The following RBM27 variants were observed in gnomAD, a reference collection of about 807,000 sequenced individuals.
The protein encoded by RBM27 is RNA binding motif protein 27.
Under a neutral mutation model 135.3 loss-of-function variants are expected in RBM27, and 22 were observed. The ratio of observed to expected loss-of-function variants is 0.16; its 90% CI spans 0.12 to 0.23. RBM27 has a LOEUF of 0.23. Among genes scored for constraint, RBM27 ranks in the 10% least tolerant of loss-of-function variants. The pLI is 1.00. For synonymous variants in RBM27, 481 were observed against 442.4 expected, an observed-to-expected ratio of 1.09 and a Z score of -1.10; for missense variants, 1,009 against 1,281.0, an observed-to-expected ratio of 0.79 and a Z score of 3.24.
At position 146,239,571 on chromosome 5, in the gene RBM27, G is replaced by A. The variant is rs567431603; in HGVS notation, c.1279+2139G>A. 1.6e-3 allele frequency among the ~76,000 whole-genome samples: 233 copies of A among 144,166 alleles called. 1 individual carries two copies. Among genetic ancestry groups the A allele is most frequent in the Non-Finnish European group, 2.6e-3 (172 of 67,026 alleles). The allele number at this position is 144,166 out of a possible 152,430, so 94.6% of individuals were successfully genotyped here. ...CAACTCCCTGCAACCTTTGCCTCCC[G>A]GGTTCAAGCAATTCTTGTGCCTCAG... On this transcript the variant is annotated intron_variant, in intron 8 of 20. Transcript: ENST00000265271.
chr5:146,217,975 C>G (rs1378612786), intron 1 of RBM27, among the ~76,000 whole-genome samples: 2 of 152,058 alleles, frequency 1.3e-5, no homozygotes, highest in African/African-American at 4.8e-5. Context: ...CCAGGCTGGT[C>G]TTGAACTCCT....
chr5:146,230,484 G>A (rs150257788), intron 5 of RBM27, among the ~76,000 whole-genome samples, 173 bp from the exon 6 acceptor site: 1 of 152,290 alleles, frequency 6.6e-6, no homozygotes, highest in East Asian at 1.9e-4. Flanking sequence ...TATGTCACTT[G>A]TTGATGTCCC....
intron 1 of RBM27, among the ~76,000 whole-genome samples, chr5:146,215,777 G>C (rs550533467): frequency 6.6e-6 from 1 of 150,546 alleles, no homozygotes; most frequent in Non-Finnish European, 1.5e-5. Flanking sequence ...TTTTGAGACT[G>C]TCTCTCTCTG....
intron 3 of RBM27, among the ~76,000 whole-genome samples, chr5:146,225,328 G>C (rs1388389190): frequency 6.6e-6 from 1 of 152,032 alleles, no homozygotes; most frequent in Non-Finnish European, 1.5e-5. Context: ...TAAGGATTAG[G>C]TATCATTTAG....
At chr5:146,215,580 A>G (rs1356013439) in intron 1 of RBM27, among the ~76,000 whole-genome samples, 10 of 152,064 alleles carry the variant, frequency 6.6e-5, no homozygotes, top group Non-Finnish European at 1.0e-4. Flanking sequence ...CAAGAACTAA[A>G]CTTTTTAAGT....
chr5:146,285,284 A>T (rs1464308915), intron 20 of RBM27, among the ~76,000 whole-genome samples: 2 of 152,132 alleles, frequency 1.3e-5, no homozygotes, highest in East Asian at 3.8e-4. Context: ...GTGAACACTT[A>T]GGCTATATTG....
In RBM27 at chr5:146,255,236, ATC is replaced by A. The variant is rs147058675; in HGVS notation, c.1594+147_1594+148del. Reference sequence around the variant, plus strand: ...TCTCTTTGGAGGGTGCTATGTATTAATCTCAGATTTTTTAAATAACTTTATCT... The same window carrying A: ...TCTCTTTGGAGGGTGCTATGTATTAATCAGATTTTTTAAATAACTTTATCT... On this transcript the variant is annotated intron_variant, in intron 10 of 20. Coordinates refer to ENST00000265271, the MANE Select transcript of RBM27 (RefSeq NM_018989.2). 4,061 of 582,742 alleles carry A rather than the reference ATC, an allele frequency of 7.0e-3. 18 individuals are homozygous for A. The highest frequency in any genetic ancestry group is 0.012 in the Middle Eastern group (38 of 3,106). 36.1% of individuals were successfully genotyped at this position (582,742 alleles called of 1,614,324 possible).
intron 1 of RBM27, among the ~76,000 whole-genome samples, chr5:146,217,464 GTTTTTTTT>G (rs545963169): frequency 9.9e-5 from 7 of 70,768 alleles, no homozygotes; most frequent in African/African-American, 3.6e-4. Flanking sequence ...GCTGAAGCCT[GTTTTTTTT>G]TTTTTTTTTT....
At chr5:146,276,781 TTGG>T (rs1310603120) in intron 19 of RBM27, among the ~76,000 whole-genome samples, 1 of 151,576 alleles carries the variant, frequency 6.6e-6, no homozygotes, top group African/African-American at 2.4e-5. Context: ...TAGGCCTGGC[TTGG>T]TGGCACCTGC....
rs1002704424 is a variant in RBM27, at chr5:146,289,189, A to C, written c.*3159A>C. The C allele has an allele frequency of 3.9e-5, 6 of 152,140 alleles. No homozygotes were observed. The highest frequency in any genetic ancestry group is 1.4e-4 in the African/African-American group (6 of 41,468). The allele number at this position is 152,140 out of a possible 1,614,324, so 9.4% of individuals were successfully genotyped here. ...AAATTTAAAAGAATTTGGAAAATTTATGAACCATTCCAAAAATTATAACAA... is the reference window on the plus strand; with the variant it reads ...AAATTTAAAAGAATTTGGAAAATTTCTGAACCATTCCAAAAATTATAACAA... On this transcript the variant is annotated 3_prime_UTR_variant, in exon 21 of 21. Coordinates refer to ENST00000265271, the MANE Select transcript of RBM27 (RefSeq NM_018989.2).
intron 19 of RBM27, among the ~76,000 whole-genome samples, chr5:146,279,691 G>A (rs1013878319): frequency 3.3e-5 from 5 of 150,460 alleles, no homozygotes; most frequent in Middle Eastern, 6.9e-3. Context: ...GCCTGTAGTC[G>A]CAGCTACTCG....
chr5:146,277,723 G>A (rs1265301565), intron 19 of RBM27, among the ~76,000 whole-genome samples: 7 of 149,646 alleles, frequency 4.7e-5, no homozygotes, highest in South Asian at 2.1e-4. Flanking sequence ...TAGTAGAGGC[G>A]GGGTTTCACC....
chr5:146,229,023 A>G lies in RBM27; in HGVS notation c.381A>G (p.Glu127=). The change falls in exon 4 of 21, where the codon GAA becomes GAG. Residue 127 remains glutamate (E), a synonymous_variant. Coordinates refer to ENST00000265271, the MANE Select transcript of RBM27 (RefSeq NM_018989.2). The stretch of plus-strand genomic sequence containing the variant: ...CTAGTCCCCAGAAGACTCGTTCAGA[A>G]TCTAGTGAACGAAGGTTTGTGTTTA... The part of the protein sequence containing the change: ...KYPSPQKTRS[E]SSERRTREKK... 2 of 1,613,532 alleles carry G rather than the reference A, an allele frequency of 1.2e-6. No homozygotes were observed. Among genetic ancestry groups the G allele is most frequent in the Non-Finnish European group, 1.7e-6 (2 of 1,179,640 alleles).
intron 2 of RBM27, among the ~76,000 whole-genome samples, chr5:146,221,414 A>G (rs981640155): frequency 7.2e-5 from 11 of 152,138 alleles, no homozygotes; most frequent in Non-Finnish European, 1.2e-4. Flanking sequence ...AGCACTTGAT[A>G]TCTGGTAAAT....
Position 146,258,462 on chromosome 5 carries a change from G to T in RBM27, c.1608G>T (p.Val536=). The T allele has an allele frequency of 6.4e-7, 1 of 1,570,650 alleles. No individual in the cohort carries two copies. Among genetic ancestry groups the T allele is most frequent in the South Asian group, 1.2e-5 (1 of 83,664 alleles). Residue 536 remains valine, a synonymous_variant, in exon 11 of 21, where the codon GTG becomes GTT. Transcript: ENST00000265271. ...TTTTTCCAACAGCTGCTAACATTGTGATCCAGACTGAACCACCAGTTCCTG... is the reference window on the plus strand; with the variant it reads ...TTTTTCCAACAGCTGCTAACATTGTTATCCAGACTGAACCACCAGTTCCTG... ...MDVNPRAANI[V]IQTEPPVPVS... is the part of the protein sequence containing the mutation.
chr5:146,218,198 T>C (rs570063092), intron 1 of RBM27, among the ~76,000 whole-genome samples: 47 of 152,230 alleles, frequency 3.1e-4, no homozygotes, highest in Non-Finnish European at 6.5e-4. Context: ...TTTCATGTGA[T>C]GTACATAAAA....
chr5:146,270,932 T>A, intron 17 of RBM27, 22 bp from the exon 18 acceptor site: 1 of 1,526,284 alleles, frequency 6.6e-7, no homozygotes. Flanking sequence ...AAAATACCTT[T>A]TTATTTTCAA....
intron 12 of RBM27, 148 bp downstream of exon 12, chr5:146,261,046 C>A: frequency 2.7e-6 from 2 of 749,626 alleles, no homozygotes; most frequent in Admixed American, 2.7e-5. Context: ...TATATACCCA[C>A]TTTTATGATG....
At chr5:146,257,859 C>A (rs1175793144) in intron 10 of RBM27, among the ~76,000 whole-genome samples, 5 of 151,668 alleles carry the variant, frequency 3.3e-5, no homozygotes, top group Non-Finnish European at 7.4e-5. Flanking sequence ...TCTTGTTGCC[C>A]AGGCTGGAGT....
Sources: gnomAD v4.1 joint callset for allele counts (sites outside exome capture counted in the v4.1 genomes callset) on GRCh38, gnomAD v4.1.1 for gene constraint, MANE v1.5 for transcripts, NCBI Gene and HGNC (gene_info 2026-07-23, HGNC 2026-07-21) for gene names.